Variants in TTC29 observed in about 807,000 individuals in gnomAD.
TTC29 encodes tetratricopeptide repeat domain 29.
A neutral mutation model predicts 58.1 loss-of-function variants in TTC29; 49 were observed. The observed-to-expected ratio is 0.84, with a 90% confidence interval of 0.67 to 1.07. The LOEUF (loss-of-function observed/expected upper bound fraction) is 1.07, where lower values mean the gene tolerates loss of function less well. Ranked by LOEUF, TTC29 falls within the 50% of genes least tolerant of loss-of-function variation. The probability of loss-of-function intolerance (pLI) is 0.00; values close to 1 mark genes in which losing one functional copy is unlikely to be tolerated. For missense variants in TTC29, 582 were observed against 555.6 expected (o/e 1.05, Z -0.48); for synonymous variants, 209 against 196.8 (o/e 1.06, Z -0.52).
intron 6 of TTC29, among the ~76,000 whole-genome samples, chr4:146,894,297 T>C (rs866771200): frequency 6.6e-6 from 1 of 151,870 alleles, no homozygotes; most frequent in Non-Finnish European, 1.5e-5. Flanking sequence ...CCAACAATGA[T>C]AGACTGGATT....
intron 4 of TTC29, among the ~76,000 whole-genome samples, chr4:146,924,004 AG>A (rs531279897): frequency 2.6e-5 from 4 of 151,806 alleles, no homozygotes; most frequent in Non-Finnish European, 5.9e-5. Flanking sequence ...ATTTAATAAA[AG>A]GAACATTTCA....
intron 11 of TTC29, among the ~76,000 whole-genome samples, chr4:146,708,159 A>C (rs982707403): frequency 2.6e-5 from 4 of 151,762 alleles, no homozygotes; most frequent in East Asian, 3.9e-4. Flanking sequence ...TGAATTCCTA[A>C]TCCACAGAAT....
At chr4:146,855,857 C>T (rs544374146) in intron 8 of TTC29, among the ~76,000 whole-genome samples, 11 of 152,154 alleles carry the variant, frequency 7.2e-5, no homozygotes, top group Admixed American at 6.5e-4. Context: ...GAAGTATGAC[C>T]CACACACTTA....
intron 11 of TTC29, among the ~76,000 whole-genome samples, chr4:146,793,401 A>ATT (rs1212047562): frequency 6.6e-6 from 1 of 152,162 alleles, no homozygotes; most frequent in African/African-American, 2.4e-5. Flanking sequence ...CAGCAAAATG[A>ATT]TTATGACTTG....
At chr4:146,822,200 C>T (rs1751894031) in intron 9 of TTC29, among the ~76,000 whole-genome samples, 3 of 151,786 alleles carry the variant, frequency 2.0e-5, no homozygotes, top group Admixed American at 2.0e-4. Flanking sequence ...TGGTTTGCTG[C>T]ACCTATTGAT....
chr4:146,881,611 C>A (rs1015791694), intron 6 of TTC29, among the ~76,000 whole-genome samples: 1 of 152,044 alleles, frequency 6.6e-6, no homozygotes, highest in Non-Finnish European at 1.5e-5. Flanking sequence ...ACACTGCTTT[C>A]CATTTTGGCT....
chr4:146,772,447 T>C (rs1300836742), intron 11 of TTC29, among the ~76,000 whole-genome samples: 1 of 152,118 alleles, frequency 6.6e-6, no homozygotes, highest in Non-Finnish European at 1.5e-5. Flanking sequence ...ATCTCCTCCA[T>C]ATGGCTACCC....
intron 11 of TTC29, among the ~76,000 whole-genome samples, chr4:146,719,030 T>A (rs1743158452): frequency 1.3e-5 from 2 of 152,296 alleles, no homozygotes; most frequent in Admixed American, 1.3e-4. Context: ...ATGTGTGGGT[T>A]GATTTATGGG....
intron 11 of TTC29, among the ~76,000 whole-genome samples, chr4:146,798,196 A>G (rs1185401864): frequency 2.0e-5 from 3 of 152,110 alleles, no homozygotes; most frequent in Non-Finnish European, 4.4e-5. Context: ...GTAGCCACAA[A>G]GTAAAGTATA....
At position 146,706,976 on chromosome 4, in the gene TTC29, T is replaced by C. The variant is rs570098725; in HGVS notation, c.*182A>G. The C allele has an allele frequency of 2.5e-5, 10 of 400,428 alleles. No individual in the cohort carries two copies. The highest frequency in any genetic ancestry group is 1.7e-4 in the African/African-American group (8 of 48,474). The allele number at this position is 400,428 out of a possible 1,614,324, so 24.8% of individuals were successfully genotyped here. On this transcript the variant is annotated 3_prime_UTR_variant, in exon 13 of 13. Coordinates refer to ENST00000325106, the MANE Select transcript of TTC29 (RefSeq NM_031956.4). ...AGAATTGGAATATATTTTATTTTCA[T>C]GGATTTAGATGTTTTGGATTAAATT...
intron 11 of TTC29, among the ~76,000 whole-genome samples, chr4:146,763,379 A>G (rs1332174171): frequency 1.3e-5 from 2 of 152,000 alleles, no homozygotes; most frequent in Non-Finnish European, 2.9e-5. Flanking sequence ...AACTACAAGG[A>G]ATTTTGTTGA....
rs942230186 is a variant in TTC29 at position 146,841,591 on chromosome 4, T to C, written c.886-7694A>G. On this transcript the variant is annotated intron_variant, in intron 8 of 12. Transcript: ENST00000325106. ...ATATTTTTTTTCTTATTTTTTTTCC[T>C]CTGTACCTATTCCTTTCTCTGCTTG... 2.6e-5 allele frequency among the ~76,000 whole-genome samples: 4 copies of C among 152,112 alleles called. No individual in the cohort carries two copies. In the South Asian group the frequency reaches 8.3e-4, roughly 31 times the overall value.
At chr4:146,874,070 A>G (rs750113418) in intron 7 of TTC29, among the ~76,000 whole-genome samples, 5 of 152,184 alleles carry the variant, frequency 3.3e-5, no homozygotes, top group South Asian at 2.1e-4. Context: ...TACAGAAATG[A>G]TATAGACTAT....
rs1390026368 is a variant in TTC29, at chr4:146,874,782, G to C, written c.733C>G (p.Leu245Val). Residue 245 changes from leucine (L) to valine (V), a missense_variant, in exon 7 of 13, where the codon CTA (leucine) becomes GTA (valine). Coordinates refer to ENST00000325106, the MANE Select transcript of TTC29 (RefSeq NM_031956.4). ...RTYRLLSDKM[L>V]ENKEYKQAIK... The stretch of plus-strand genomic sequence containing the variant: ...GCCTGTTTGTATTCTTTATTTTCTA[G>C]CATTTTGTCTGAGAGTAATCTGTAA... 6.2e-7 allele frequency: 1 copy of C among 1,611,192 alleles called. No homozygotes were observed. The highest frequency in any genetic ancestry group is 8.5e-7 in the Non-Finnish European group (1 of 1,178,888).
At chr4:146,896,648 GT>G (rs1449307268) in intron 6 of TTC29, among the ~76,000 whole-genome samples, 8 of 152,092 alleles carry the variant, frequency 5.3e-5, no homozygotes, top group African/African-American at 1.9e-4. Flanking sequence ...TCCAATTATT[GT>G]GTATTCTTCC....
At chr4:146,764,821 G>A (rs116022565) in intron 11 of TTC29, among the ~76,000 whole-genome samples, 1 of 152,150 alleles carries the variant, frequency 6.6e-6, no homozygotes, top group East Asian at 1.9e-4. Context: ...GTTCAAACAG[G>A]ATGATCATGT....
chr4:146,717,972 T>A (rs182190692), intron 11 of TTC29, among the ~76,000 whole-genome samples: 255 of 152,330 alleles, frequency 1.7e-3, no homozygotes, highest in African/African-American at 5.9e-3. Flanking sequence ...CCAATATAAG[T>A]GAGAACATTT....
At chr4:146,858,916 G>A (rs913519897) in intron 8 of TTC29, among the ~76,000 whole-genome samples, 1 of 152,152 alleles carries the variant, frequency 6.6e-6, no homozygotes, top group Non-Finnish European at 1.5e-5. Flanking sequence ...CCAAAGAGTT[G>A]ATAAATGTAC....
At chr4:146,808,169 G>A (rs563530471) in intron 10 of TTC29, among the ~76,000 whole-genome samples, 4 of 152,154 alleles carry the variant, frequency 2.6e-5, no homozygotes, top group Admixed American at 2.0e-4. Flanking sequence ...TGCAGAAAAG[G>A]CCTTCGATAA....
Sources: allele counts gnomAD v4.1 joint callset (sites outside exome capture counted in the v4.1 genomes callset), GRCh38; gene constraint gnomAD v4.1.1; transcripts MANE v1.5; gene names NCBI Gene and HGNC (gene_info 2026-07-23, HGNC 2026-07-21).